Variants in SLC2A13 observed in about 807,000 individuals in gnomAD.
The protein encoded by SLC2A13 is solute carrier family 2 member 13, also known as proton myo-inositol cotransporter.
In SLC2A13, 32 loss-of-function variants were observed where a neutral mutation model predicts 64.4. The observed-to-expected ratio is 0.50, with a 90% CI of 0.37 to 0.67. The LOEUF is 0.67. SLC2A13 is among the 30% of genes least tolerant of loss of function. The pLI, the probability that SLC2A13 is intolerant of heterozygous loss-of-function variation, is 0.00. For missense variants in SLC2A13, 743 were observed against 829.2 expected, an observed-to-expected ratio of 0.90 and a Z score of 1.28; for synonymous variants, 338 against 327.1, an observed-to-expected ratio of 1.03 and a Z score of -0.36.
intron 2 of SLC2A13, among the ~76,000 whole-genome samples, chr12:40,034,825 A>G (rs1947953983): frequency 6.6e-6 from 1 of 152,178 alleles, no homozygotes; most frequent in African/African-American, 2.4e-5. Flanking sequence ...ATGAAGATGT[A>G]TTGTGTTTGC....
Position 39,757,964 on chromosome 12 carries a change from A to T in SLC2A13, c.*2062T>A, listed in dbSNP as rs1461777400. 1 of 152,102 alleles carries T rather than the reference A, an allele frequency of 6.6e-6. No individual in the cohort carries two copies. The highest frequency in any genetic ancestry group is 1.5e-5 in the Non-Finnish European group (1 of 67,672). 9.4% of individuals were successfully genotyped at this position (152,102 alleles called of 1,614,324 possible). ...TTGGTCTACTTTTTCTCCTTATTAT[A>T]TTTTGATTGTACCATATAGTAGCTT... On this transcript the variant is annotated 3_prime_UTR_variant, in exon 10 of 10. Coordinates refer to ENST00000280871, the MANE Select transcript of SLC2A13 (RefSeq NM_052885.4).
At chr12:40,082,815 G>C (rs1301885319) in intron 1 of SLC2A13, among the ~76,000 whole-genome samples, 1 of 152,206 alleles carries the variant, frequency 6.6e-6, no homozygotes, top group African/African-American at 2.4e-5. Flanking sequence ...TCTGTAACGA[G>C]AGTGGGCCAC....
chr12:39,838,347 G>T (rs974592962), intron 6 of SLC2A13, among the ~76,000 whole-genome samples: 1 of 113,502 alleles, frequency 8.8e-6, no homozygotes, highest in Non-Finnish European at 1.8e-5. Flanking sequence ...GTGGTGGGGT[G>T]GGGGGAGGGG....
At chr12:40,039,441 C>T (rs1481033553) in intron 2 of SLC2A13, among the ~76,000 whole-genome samples, 1 of 152,126 alleles carries the variant, frequency 6.6e-6, no homozygotes, top group East Asian at 1.9e-4. Flanking sequence ...TTGCTATTTG[C>T]TATTTGTGCC....
At chr12:40,081,680 A>C (rs1586038) in intron 1 of SLC2A13, among the ~76,000 whole-genome samples, 64,855 of 151,954 alleles carry the variant, frequency 0.43, 14,078 homozygotes, top group African/African-American at 0.47. Flanking sequence ...TCTATGCCAT[A>C]ATTTCAGTGA....
intron 4 of SLC2A13, among the ~76,000 whole-genome samples, chr12:39,935,145 T>C (rs772123284): frequency 6.6e-6 from 1 of 152,114 alleles, no homozygotes; most frequent in Non-Finnish European, 1.5e-5. Flanking sequence ...ATCCCAACAC[T>C]TAGGAAGGCA....
intron 4 of SLC2A13, among the ~76,000 whole-genome samples, chr12:39,931,904 T>C (rs1410124087): frequency 6.6e-6 from 1 of 152,064 alleles, no homozygotes; most frequent in Non-Finnish European, 1.5e-5. Context: ...ATTCATTTTA[T>C]ATAATAGTAT....
At chr12:40,064,509 A>T (rs933569840) in intron 1 of SLC2A13, among the ~76,000 whole-genome samples, 1 of 146,762 alleles carries the variant, frequency 6.8e-6, no homozygotes. Flanking sequence ...AGACTAACAG[A>T]CTCCCACAGT....
intron 4 of SLC2A13, among the ~76,000 whole-genome samples, chr12:39,917,862 C>T (rs1035056196): frequency 6.6e-6 from 1 of 151,986 alleles, no homozygotes; most frequent in African/African-American, 2.4e-5. Context: ...CTCCTTTTCT[C>T]TTCTTATTCT....
At chr12:39,854,188 T>C (rs6581378) in intron 6 of SLC2A13, among the ~76,000 whole-genome samples, 110,662 of 151,890 alleles carry the variant, frequency 0.73, 41,126 homozygotes, top group African/African-American at 0.88. Flanking sequence ...TTACATCACT[T>C]TAGGCAAATG....
At chr12:39,939,502 T>C (rs1423734731) in intron 4 of SLC2A13, among the ~76,000 whole-genome samples, 3 of 152,090 alleles carry the variant, frequency 2.0e-5, no homozygotes, top group Non-Finnish European at 4.4e-5. Flanking sequence ...GCCAGTGGAG[T>C]TCATAGGGCT....
chr12:39,759,875 A>G lies in SLC2A13; in HGVS notation c.*151T>C, dbSNP rs1940071004. ...GGAAAAAAAAAGTCATCATGGTTGTATCTTCCTCCTAATCAAGTATTCTAG... is the reference window on the plus strand; with the variant it reads ...GGAAAAAAAAAGTCATCATGGTTGTGTCTTCCTCCTAATCAAGTATTCTAG... On this transcript the variant is annotated 3_prime_UTR_variant, in exon 10 of 10. Coordinates refer to ENST00000280871, the MANE Select transcript of SLC2A13 (RefSeq NM_052885.4). 3.3e-6 allele frequency: 2 copies of G among 603,406 alleles called. No homozygotes were observed. The highest frequency in any genetic ancestry group is 5.8e-6 in the Non-Finnish European group (2 of 344,888). 37.4% of individuals were successfully genotyped at this position (603,406 alleles called of 1,614,324 possible).
At chr12:39,896,051 T>C (rs1241770096) in intron 4 of SLC2A13, among the ~76,000 whole-genome samples, 1 of 137,210 alleles carries the variant, frequency 7.3e-6, no homozygotes. Flanking sequence ...TATACGCATG[T>C]ATATATGCAT....
At chr12:39,830,782 A>C (rs538232547) in intron 6 of SLC2A13, among the ~76,000 whole-genome samples, 10 of 152,338 alleles carry the variant, frequency 6.6e-5, no homozygotes, top group African/African-American at 2.4e-4. Context: ...CATTGTTAAC[A>C]TCTTGGTGAA....
At chr12:39,779,498 T>C (rs1332502570) in intron 7 of SLC2A13, among the ~76,000 whole-genome samples, 2 of 152,202 alleles carry the variant, frequency 1.3e-5, no homozygotes, top group African/African-American at 4.8e-5. Flanking sequence ...TCCCCAGGCG[T>C]CATAGGCCAG....
intron 3 of SLC2A13, among the ~76,000 whole-genome samples, chr12:39,975,529 C>G (rs1450726117): frequency 6.6e-6 from 1 of 152,200 alleles, no homozygotes; most frequent in Non-Finnish European, 1.5e-5. Context: ...CTAAATTTCT[C>G]CATGGCAAGC....
intron 3 of SLC2A13, among the ~76,000 whole-genome samples, chr12:39,990,524 G>C (rs892557311): frequency 6.6e-6 from 1 of 152,170 alleles, no homozygotes; most frequent in Non-Finnish European, 1.5e-5. Flanking sequence ...GTATTCTGGG[G>C]ATAGTATCTC....
chr12:39,938,738 A>G (rs976541437), intron 4 of SLC2A13, among the ~76,000 whole-genome samples: 3 of 151,700 alleles, frequency 2.0e-5, no homozygotes, highest in South Asian at 4.2e-4. Flanking sequence ...GAACAGTACT[A>G]AGAAAGTTCA....
At chr12:39,964,061 TA>T (rs1417613064) in intron 3 of SLC2A13, among the ~76,000 whole-genome samples, 1 of 152,106 alleles carries the variant, frequency 6.6e-6, no homozygotes, top group Non-Finnish European at 1.5e-5. Context: ...TGTAACATCT[TA>T]AAAGAAAGAG....
Sources: gnomAD v4.1 joint callset for allele counts (sites outside exome capture counted in the v4.1 genomes callset) on GRCh38, gnomAD v4.1.1 for gene constraint, MANE v1.5 for transcripts, NCBI Gene and HGNC (gene_info 2026-07-23, HGNC 2026-07-21) for gene names.